The following PTPRD variants were observed in gnomAD, a reference collection of about 807,000 sequenced individuals.
PTPRD encodes the protein receptor-type tyrosine-protein phosphatase delta.
A neutral mutation model predicts 214.5 loss-of-function variants in PTPRD; 34 were observed. The observed-to-expected ratio is 0.16, with a 90% CI of 0.12 to 0.21. The LOEUF (loss-of-function observed/expected upper bound fraction) is 0.21, where lower values mean the gene tolerates loss of function less well. PTPRD is among the 10% of genes least tolerant of loss of function. PTPRD has a pLI of 1.00. For missense variants in PTPRD, 2,545 were observed against 2,398.7 expected (o/e 1.06, Z -1.27); for synonymous variants, 1,128 against 845.7 (o/e 1.33, Z -5.79).
intron 30 of PTPRD, among the ~76,000 whole-genome samples, chr9:8,482,705 T>C (rs533811537): frequency 4.6e-5 from 7 of 152,342 alleles, no homozygotes; most frequent in South Asian, 2.1e-4. Context: ...CTAGAGGATA[T>C]AGTTTTCACT....
At chr9:9,324,683 C>T (rs1467930273) in intron 9 of PTPRD, among the ~76,000 whole-genome samples, 3 of 152,054 alleles carry the variant, frequency 2.0e-5, no homozygotes, top group African/African-American at 7.2e-5. Flanking sequence ...TGTGCAGAAG[C>T]TCTTTAGTTT....
chr9:10,540,208 T>C (rs1205836072), intron 2 of PTPRD, among the ~76,000 whole-genome samples: 1 of 152,072 alleles, frequency 6.6e-6, no homozygotes, highest in East Asian at 1.9e-4. Context: ...TTGTGTATTT[T>C]TGAGAGACAG....
chr9:8,811,100 A>C (rs1436846734), intron 11 of PTPRD, among the ~76,000 whole-genome samples: 1 of 152,190 alleles, frequency 6.6e-6, no homozygotes, highest in Non-Finnish European at 1.5e-5. Context: ...AGGGGATCTG[A>C]CTTACGGCAC....
intron 5 of PTPRD, among the ~76,000 whole-genome samples, chr9:9,808,706 T>C (rs193187635): frequency 2.0e-5 from 3 of 152,310 alleles, no homozygotes; most frequent in Admixed American, 2.0e-4. Flanking sequence ...AATTATTTAC[T>C]ATCCACTCTA....
chr9:10,210,521 G>A (rs72614093), intron 3 of PTPRD, among the ~76,000 whole-genome samples: 8,757 of 151,632 alleles, frequency 0.058, 682 homozygotes, highest in East Asian at 0.35. Context: ...GCCAAGGAGG[G>A]GGGGCTTCTT....
intron 3 of PTPRD, among the ~76,000 whole-genome samples, chr9:10,204,760 T>C (rs1372175587): frequency 6.6e-6 from 1 of 152,130 alleles, no homozygotes; most frequent in African/African-American, 2.4e-5. Context: ...AATTAATATC[T>C]AATACATGTA....
At chr9:8,686,408 G>A (rs565766365) in intron 12 of PTPRD, among the ~76,000 whole-genome samples, 8 of 152,158 alleles carry the variant, frequency 5.3e-5, no homozygotes, top group South Asian at 2.1e-4. Context: ...AATTCTCCAT[G>A]TTTAGGTCCA....
intron 3 of PTPRD, among the ~76,000 whole-genome samples, chr9:10,042,384 C>T (rs922570862): frequency 2.0e-5 from 3 of 151,860 alleles, no homozygotes; most frequent in Admixed American, 6.6e-5. Flanking sequence ...CCATAGATTG[C>T]CAACTTACAC....
chr9:10,028,272 C>T (rs963981170), intron 4 of PTPRD, among the ~76,000 whole-genome samples: 8 of 152,180 alleles, frequency 5.3e-5, no homozygotes, highest in African/African-American at 1.9e-4. Flanking sequence ...GTCTATTAAA[C>T]CTTTTTCTTT....
At chr9:8,485,347 G>A (rs1165453596) in intron 28 of PTPRD, 23 bp from the exon 29 acceptor site, 3 of 1,544,632 alleles carry the variant, frequency 1.9e-6, no homozygotes, top group East Asian at 2.2e-5. Context: ...GAAAAACAGT[G>A]TATTTAAACT....
intron 7 of PTPRD, among the ~76,000 whole-genome samples, chr9:9,675,550 G>T (rs1388746934): frequency 6.6e-6 from 1 of 151,578 alleles, no homozygotes; most frequent in Non-Finnish European, 1.5e-5. Flanking sequence ...CATTTTTATA[G>T]GACAGTCATA....
chr9:9,065,057 G>A (rs766207726), intron 10 of PTPRD, among the ~76,000 whole-genome samples: 72 of 152,170 alleles, frequency 4.7e-4, no homozygotes, highest in Non-Finnish European at 8.5e-4. Context: ...GTATTTACAT[G>A]AAATAGGCAT....
intron 7 of PTPRD, among the ~76,000 whole-genome samples, chr9:9,718,696 T>C (rs918291552): frequency 6.6e-5 from 10 of 152,246 alleles, no homozygotes; most frequent in African/African-American, 2.4e-4. Context: ...GCCCAGGTGC[T>C]GTTGTGACCT....
chr9:9,598,336 G>A (rs1172836877), intron 7 of PTPRD, among the ~76,000 whole-genome samples: 1 of 151,980 alleles, frequency 6.6e-6, no homozygotes, highest in African/African-American at 2.4e-5. Context: ...AAATGGGGAT[G>A]TCGAGTAGGA....
At chr9:8,460,900 T>G (rs929412230) in intron 32 of PTPRD, among the ~76,000 whole-genome samples, 1 of 152,086 alleles carries the variant, frequency 6.6e-6, no homozygotes, top group East Asian at 1.9e-4. Flanking sequence ...AATTAACCAG[T>G]TGCAAAATGT....
Position 9,240,438 on chromosome 9 carries a change from C to T in PTPRD, c.-202-57075G>A, listed in dbSNP as rs370066835. 1.3e-3 allele frequency among the ~76,000 whole-genome samples: 196 copies of T among 152,134 alleles called. 3 individuals are homozygous for T. The South Asian group carries it at 0.034, about 26-fold the overall frequency. On this transcript the variant is annotated intron_variant, in intron 9 of 45. Coordinates refer to ENST00000381196, the MANE Select transcript of PTPRD (RefSeq NM_002839.4). ...CTATAATCCCAGCACTTTGGGAGGC[C>T]GAGGTGGGCAGATCATGAGGTCAGG...
chr9:8,938,461 G>T (rs144811253), intron 11 of PTPRD, among the ~76,000 whole-genome samples: 1 of 152,132 alleles, frequency 6.6e-6, no homozygotes, highest in East Asian at 1.9e-4. Context: ...CCATTAATCC[G>T]CCTTGCTGGC....
At chr9:8,765,960 G>C (rs952860311) in intron 11 of PTPRD, among the ~76,000 whole-genome samples, 12 of 151,912 alleles carry the variant, frequency 7.9e-5, no homozygotes, top group Admixed American at 5.2e-4. Context: ...ACAAAATATA[G>C]TACTCTAAAG....
chr9:8,472,312 G>A (rs1296636846), intron 30 of PTPRD, among the ~76,000 whole-genome samples: 1 of 152,108 alleles, frequency 6.6e-6, no homozygotes, highest in African/African-American at 2.4e-5. Context: ...ACCTTTAAAA[G>A]AGGAGGCCAC....
Sources: gnomAD v4.1 joint callset for allele counts (sites outside exome capture counted in the v4.1 genomes callset) on GRCh38, gnomAD v4.1.1 for gene constraint, MANE v1.5 for transcripts, NCBI Gene and HGNC (gene_info 2026-07-23, HGNC 2026-07-21) for gene names.